Variants in GALNT10 observed in about 807,000 individuals in gnomAD.
GALNT10 encodes the protein GalNAc transferase 10.
A neutral mutation model predicts 75.0 loss-of-function variants in GALNT10; 41 were observed. The ratio of observed to expected loss-of-function variants is 0.55; its 90% CI spans 0.43 to 0.71. GALNT10 has a LOEUF of 0.71. Ranked by LOEUF, GALNT10 falls within the 30% of genes least tolerant of loss-of-function variation. GALNT10 has a pLI of 0.00. For missense variants in GALNT10, 727 were observed against 818.5 expected (o/e 0.89, Z 1.36); for synonymous variants, 302 against 313.0 (o/e 0.96, Z 0.37).
At chr5:154,387,469 C>T (rs1289824767) in intron 7 of GALNT10, 1 of 152,242 alleles carries the variant, frequency 6.6e-6, no homozygotes, top group African/African-American at 2.4e-5. Flanking sequence ...ACTCTGATGC[C>T]CCCTCATCGG....
chr5:154,305,704 A>T (rs1293650065), intron 3 of GALNT10, among the ~76,000 whole-genome samples: 1 of 152,242 alleles, frequency 6.6e-6, no homozygotes. Flanking sequence ...TTCAAAATAC[A>T]TGAAGCAAAA....
At chr5:154,319,758 C>T (rs1754647227) in intron 3 of GALNT10, among the ~76,000 whole-genome samples, 1 of 152,234 alleles carries the variant, frequency 6.6e-6, no homozygotes, top group Non-Finnish European at 1.5e-5. Context: ...TCTTGTTTAT[C>T]ATACACAAAA....
At chr5:154,254,879 G>A (rs1168975327) in intron 1 of GALNT10, among the ~76,000 whole-genome samples, 2 of 152,086 alleles carry the variant, frequency 1.3e-5, no homozygotes, top group Admixed American at 1.3e-4. Flanking sequence ...ATGTCATCAG[G>A]GACCTGGTTC....
chr5:154,242,345 C>G (rs1753349908), intron 1 of GALNT10, among the ~76,000 whole-genome samples: 2 of 152,066 alleles, frequency 1.3e-5, no homozygotes, highest in Admixed American at 6.5e-5. Context: ...CTGGTGGTAG[C>G]CCAGAAAGCT....
At chr5:154,305,467 A>C (rs115031035) in intron 3 of GALNT10, among the ~76,000 whole-genome samples, 1 of 152,364 alleles carries the variant, frequency 6.6e-6, no homozygotes, top group Non-Finnish European at 1.5e-5. Flanking sequence ...CCCTGCAAGA[A>C]ACACACTTTA....
chr5:154,232,839 T>G (rs1252612418), intron 1 of GALNT10, among the ~76,000 whole-genome samples: 1 of 152,256 alleles, frequency 6.6e-6, no homozygotes, highest in East Asian at 1.9e-4. Context: ...TTCAAGCTTA[T>G]TTGTCTTTGG....
intron 7 of GALNT10, among the ~76,000 whole-genome samples, chr5:154,399,980 CA>C (rs897320374): frequency 1.0e-4 from 15 of 150,126 alleles, no homozygotes; most frequent in East Asian, 7.8e-4. Flanking sequence ...CCCATGTCTA[CA>C]AAAAAAAATA....
chr5:154,399,162 A>G (rs1204232531), intron 7 of GALNT10, among the ~76,000 whole-genome samples: 3 of 152,198 alleles, frequency 2.0e-5, no homozygotes, highest in African/African-American at 4.8e-5. Context: ...GAGGGGAGTC[A>G]GGCTGCAGTG....
chr5:154,194,297 G>GTT (rs144868182), intron 1 of GALNT10, among the ~76,000 whole-genome samples: 3 of 152,130 alleles, frequency 2.0e-5, no homozygotes, highest in Middle Eastern at 3.4e-3. Context: ...AGAAATCAAT[G>GTT]TTTTTTTCTC....
intron 1 of GALNT10, among the ~76,000 whole-genome samples, chr5:154,246,435 A>C (rs1753424830): frequency 1.3e-5 from 2 of 152,150 alleles, no homozygotes; most frequent in South Asian, 4.1e-4. Flanking sequence ...ACAGTGCAAA[A>C]ATGTTCCTAT....
At chr5:154,387,738 A>G (rs1404135130) in intron 7 of GALNT10, 2 of 151,794 alleles carry the variant, frequency 1.3e-5, no homozygotes, top group African/African-American at 4.8e-5. Flanking sequence ...ATTATCCTAA[A>G]GATTATTATC....
intron 1 of GALNT10, among the ~76,000 whole-genome samples, chr5:154,285,884 CCA>C (rs1182868391): frequency 6.6e-6 from 1 of 152,206 alleles, no homozygotes; most frequent in African/African-American, 2.4e-5. Flanking sequence ...TCTCTGTGCA[CCA>C]CACACACTGC....
chr5:154,328,446 G>A (rs953134311), intron 3 of GALNT10, among the ~76,000 whole-genome samples: 3 of 152,176 alleles, frequency 2.0e-5, no homozygotes, highest in Non-Finnish European at 2.9e-5. Context: ...AGAGGAATGT[G>A]TAATATGAAA....
rs1755227468 is a variant in GALNT10 at position 154,352,579 on chromosome 5, C to T, written c.568+22841C>T. Among the ~76,000 whole-genome samples the T allele has an allele frequency of 6.6e-6, 1 of 152,210 alleles. No homozygotes were observed. The highest frequency in any genetic ancestry group is 6.5e-5 in the Admixed American group (1 of 15,280). ...TAGTAAACGGAAGCTGGGAGCTTCC[C>T]TGGGCTGGGTGGGCCCCAGGTACCT... On this transcript the variant is annotated intron_variant, in intron 4 of 11. Transcript: ENST00000297107. The surrounding 1 kb of genome is among the most constrained non-coding windows in gnomAD (Gnocchi z 4.4).
rs373885478 is a variant in GALNT10 at position 154,416,161 on chromosome 5, C to T, written c.1653+229C>T. 5.3e-3 allele frequency among the ~76,000 whole-genome samples: 812 copies of T among 152,232 alleles called. 6 individuals are homozygous for T. The highest frequency in any genetic ancestry group is 0.019 in the African/African-American group (779 of 41,542). The stretch of plus-strand genomic sequence containing the variant: ...TTCCATTTAAAAAGAAAAGTGCAGC[C>T]GGGCACAGTGGCTCATGCCTGTAAT... On this transcript the variant is annotated intron_variant, in intron 11 of 11. Transcript: ENST00000297107. The surrounding 1 kb of genome is among the most constrained non-coding windows in gnomAD (Gnocchi z 4.5).
At chr5:154,357,295 A>G (rs551908186) in intron 4 of GALNT10, among the ~76,000 whole-genome samples, 30 of 152,202 alleles carry the variant, frequency 2.0e-4, no homozygotes, top group Non-Finnish European at 2.8e-4. Flanking sequence ...GCCCATTCCT[A>G]TGAAATATGG....
Position 154,416,810 on chromosome 5 carries a change from G to C in GALNT10, c.1654-4G>C. 6.2e-7 allele frequency: 1 copy of C among 1,611,248 alleles called. No homozygotes were observed. The highest frequency in any genetic ancestry group is 1.1e-5 in the South Asian group (1 of 91,004). ...GTCTGGCTTATTACCTCCATGTTTT[G>C]TAGGACAAGACCCTGTACCACCCTG... On this transcript the variant is annotated splice_region_variant and splice_polypyrimidine_tract_variant and intron_variant, in intron 11 of 11. Coordinates refer to ENST00000297107, the MANE Select transcript of GALNT10 (RefSeq NM_198321.4). The surrounding 1 kb of genome is among the most constrained non-coding windows in gnomAD (Gnocchi z 4.5).
chr5:154,293,594 G>GATATATATATATATATATATATATAT (rs754824803), intron 1 of GALNT10, among the ~76,000 whole-genome samples: 4 of 140,724 alleles, frequency 2.8e-5, no homozygotes, highest in African/African-American at 1.1e-4. Flanking sequence ...TCTTGGGGCT[G>GATATATATATATATATATATATATAT]ATATATATAT....
intron 1 of GALNT10, among the ~76,000 whole-genome samples, chr5:154,225,684 G>A (rs1361652026): frequency 1.3e-5 from 1 of 78,086 alleles, no homozygotes; most frequent in East Asian, 1.7e-3. Flanking sequence ...GATTACAGGT[G>A]TGAGCCACTA....
Sources: gnomAD v4.1 joint callset for allele counts (sites outside exome capture counted in the v4.1 genomes callset) on GRCh38, gnomAD v4.1.1 for gene constraint, Gnocchi (gnomAD v3.1) non-coding constraint, MANE v1.5 for transcripts, NCBI Gene and HGNC (gene_info 2026-07-23, HGNC 2026-07-21) for gene names.